Variants in CDYL observed in about 807,000 individuals in gnomAD.
The protein encoded by CDYL is chromodomain Y-like protein.
CDYL carries 8 observed loss-of-function variants against 47.3 expected under a neutral mutation model. The ratio of observed to expected loss-of-function variants is 0.17; its 90% CI spans 0.10 to 0.31. CDYL has a LOEUF of 0.31. Among genes scored for constraint, CDYL ranks in the 10% least tolerant of loss-of-function variants. CDYL has a pLI of 1.00. For missense variants in CDYL, 471 were observed against 701.4 expected (o/e 0.67, Z 3.71); for synonymous variants, 266 against 265.0 (o/e 1.00, Z -0.04).
chr6:4,894,956 T>TGC (rs1581243223), intron 2 of CDYL, among the ~76,000 whole-genome samples: 7 of 147,756 alleles, frequency 4.7e-5, no homozygotes, highest in East Asian at 1.9e-4. Context: ...TGCATGTGTA[T>TGC]ATATACGTAT....
chr6:4,844,573 A>G (rs1292653545), intron 1 of CDYL, among the ~76,000 whole-genome samples: 2 of 152,066 alleles, frequency 1.3e-5, no homozygotes, highest in Non-Finnish European at 2.9e-5. Flanking sequence ...TCTGTCTGCC[A>G]TTTTCCTTGT....
intron 2 of CDYL, among the ~76,000 whole-genome samples, chr6:4,724,011 G>C (rs999970543): frequency 2.0e-5 from 3 of 152,196 alleles, no homozygotes; most frequent in South Asian, 2.1e-4. Flanking sequence ...CCACATACCT[G>C]TGCTAGTTTG....
intron 5 of CDYL, among the ~76,000 whole-genome samples, chr6:4,951,500 A>G (rs1313304847): frequency 1.3e-5 from 2 of 152,086 alleles, no homozygotes; most frequent in African/African-American, 2.4e-5. Flanking sequence ...CAAGGTTAAA[A>G]TTAATTTCAT....
At chr6:4,724,078 A>G (rs1221735726) in intron 2 of CDYL, among the ~76,000 whole-genome samples, 3 of 152,142 alleles carry the variant, frequency 2.0e-5, no homozygotes, top group African/African-American at 7.2e-5. Flanking sequence ...TTGCTCTGAC[A>G]CCCAGGCTCT....
intron 1 of CDYL, among the ~76,000 whole-genome samples, chr6:4,708,836 T>C (rs980799161): frequency 4.6e-5 from 7 of 152,032 alleles, no homozygotes; most frequent in African/African-American, 1.7e-4. Flanking sequence ...CCGGCCAACA[T>C]GGCAAAATCC....
At chr6:4,776,250 C>T (rs1299270380), upstream of CDYL, among the ~76,000 whole-genome samples, 1 of 144,180 alleles carries the variant, frequency 6.9e-6, no homozygotes, top group African/African-American at 2.5e-5. Flanking sequence ...CCGCCTCGGC[C>T]CCGAGCGGAG....
In CDYL at chr6:4,954,228, G is replaced by A; in HGVS notation, c.*172G>A. On this transcript the variant is annotated 3_prime_UTR_variant, in exon 7 of 7. Transcript: ENST00000397588. ...TATTATCGAGGAGTTTTAAAGTACT[G>A]TAACTTTAAAATAAATAACTACAAA... The A allele has an allele frequency of 1.7e-6, 1 of 582,752 alleles. No individual in the cohort carries two copies. The highest frequency in any genetic ancestry group is 3.8e-4 in the Middle Eastern group (1 of 2,612). 36.1% of individuals were successfully genotyped at this position (582,752 alleles called of 1,614,324 possible).
At chr6:4,900,579 G>A (rs1273225259) in intron 2 of CDYL, among the ~76,000 whole-genome samples, 1 of 151,464 alleles carries the variant, frequency 6.6e-6, no homozygotes, top group Non-Finnish European at 1.5e-5. Context: ...TTTAATAGAT[G>A]TTGCCAAATT....
intron 1 of CDYL, among the ~76,000 whole-genome samples, chr6:4,811,735 C>A (rs1322802488): frequency 6.6e-6 from 1 of 151,708 alleles, no homozygotes; most frequent in Non-Finnish European, 1.5e-5. Flanking sequence ...CTTTCCAAAG[C>A]TCTGGGATTA....
intron 3 of CDYL, among the ~76,000 whole-genome samples, chr6:4,745,474 C>A (rs923089264): frequency 6.6e-6 from 1 of 152,022 alleles, no homozygotes; most frequent in Non-Finnish European, 1.5e-5. Flanking sequence ...CGGTAGCTCA[C>A]GCCTGTAATC....
upstream of CDYL, chr6:4,773,156 C>G (rs1327514397): frequency 1.1e-5 from 5 of 457,244 alleles, no homozygotes; most frequent in African/African-American, 1.0e-4. The surrounding 1 kb of genome is among the most constrained non-coding windows in gnomAD (Gnocchi z 4.6). Context: ...TTATGTTGGC[C>G]TACAACAACG....
Position 4,715,823 on chromosome 6 carries a change from GA to G in CDYL, c.47del (p.Lys16ArgfsTer15), listed in dbSNP as rs752794886. On this transcript the variant is annotated frameshift_variant, in exon 2 of 9. Transcript: ENST00000328908. LOFTEE classifies it high-confidence loss of function. ...ACAGGTCAGCCTGGGGAAAAAGCAGGAAGAAAAACTGGCAATACGAGGGCCC... is the reference window on the plus strand; with the variant it reads ...ACAGGTCAGCCTGGGGAAAAAGCAGGAGAAAAACTGGCAATACGAGGGCCC... The G allele has an allele frequency of 4.3e-6, 7 of 1,614,150 alleles. No homozygotes were observed. The highest frequency in any genetic ancestry group is 1.6e-4 in the Middle Eastern group (1 of 6,062).
At chr6:4,823,872 A>G (rs1262537829) in intron 1 of CDYL, among the ~76,000 whole-genome samples, 1 of 152,206 alleles carries the variant, frequency 6.6e-6, no homozygotes, top group Non-Finnish European at 1.5e-5. Flanking sequence ...CTCTGTAACC[A>G]TTATGTAAAA....
At chr6:4,710,488 C>T (rs1381981412) in intron 1 of CDYL, among the ~76,000 whole-genome samples, 1 of 151,086 alleles carries the variant, frequency 6.6e-6, no homozygotes, top group Non-Finnish European at 1.5e-5. Flanking sequence ...TCATGTGCCA[C>T]CAGGATTGAG....
chr6:4,902,956 T>A (rs1450133821), intron 2 of CDYL, among the ~76,000 whole-genome samples: 1 of 152,204 alleles, frequency 6.6e-6, no homozygotes, highest in Non-Finnish European at 1.5e-5. Flanking sequence ...GTGCAGATAT[T>A]TCAGTGGTCT....
chr6:4,863,374 A>G (rs549162127), intron 1 of CDYL, among the ~76,000 whole-genome samples: 1 of 152,368 alleles, frequency 6.6e-6, no homozygotes, highest in African/African-American at 2.4e-5. Context: ...ATTTTTAAAA[A>G]GACTACCTCT....
At chr6:4,855,411 C>A (rs1760976931) in intron 1 of CDYL, among the ~76,000 whole-genome samples, 1 of 152,180 alleles carries the variant, frequency 6.6e-6, no homozygotes, top group Non-Finnish European at 1.5e-5. Flanking sequence ...CCACCTCATC[C>A]TCTGGAGTAG....
At chr6:4,898,625 C>A (rs1221961717) in intron 2 of CDYL, among the ~76,000 whole-genome samples, 1 of 152,110 alleles carries the variant, frequency 6.6e-6, no homozygotes, top group Non-Finnish European at 1.5e-5. Flanking sequence ...TGATGTGATG[C>A]CCAGCAGCAG....
chr6:4,872,798 G>T (rs554418680), intron 1 of CDYL, among the ~76,000 whole-genome samples: 1 of 152,266 alleles, frequency 6.6e-6, no homozygotes, highest in South Asian at 2.1e-4. Context: ...AAAAATCCTA[G>T]TTTATCTATT....
Sources: allele counts gnomAD v4.1 joint callset (sites outside exome capture counted in the v4.1 genomes callset), GRCh38; gene constraint gnomAD v4.1.1; non-coding constraint Gnocchi (gnomAD v3.1); transcripts MANE v1.5; gene names NCBI Gene and HGNC (gene_info 2026-07-23, HGNC 2026-07-21).